Variants in PHLPP2 observed in about 807,000 individuals in gnomAD.
PHLPP2 encodes the protein PH domain and leucine rich repeat protein phosphatase 2, also known as PH domain leucine-rich repeat-containing protein phosphatase 2.
A neutral mutation model predicts 124.9 loss-of-function variants in PHLPP2; 66 were observed. That is an observed-to-expected ratio of 0.53 (90% CI 0.43 to 0.65). The LOEUF is 0.65. PHLPP2 is among the 30% of genes least tolerant of loss of function. The pLI is 0.00. For missense variants in PHLPP2, 1,685 were observed against 1,600.4 expected, an observed-to-expected ratio of 1.05 and a Z score of -0.90; for synonymous variants, 681 against 624.7, an observed-to-expected ratio of 1.09 and a Z score of -1.34.
intron 6 of PHLPP2, among the ~76,000 whole-genome samples, chr16:71,681,011 C>T (rs970226007): frequency 2.0e-5 from 3 of 152,146 alleles, no homozygotes; most frequent in African/African-American, 7.2e-5. Context: ...ATTTTCTGGA[C>T]ATTAGAATTA....
Position 71,652,916 on chromosome 16 carries a change from AT to A in PHLPP2, c.2690del (p.Asn897MetfsTer34). ...PASSFSLTVA[N>X]VGTCQAVLCR... ...ACAGGACTGCTTGGCACGTGCCAAC[AT>A]TGGCTACAGTCAAGCTAAAGCTACT... On this transcript the variant is annotated frameshift_variant, in exon 18 of 19. Transcript: ENST00000568954. LOFTEE classifies it high-confidence loss of function. 1.2e-6 allele frequency: 2 copies of A among 1,614,076 alleles called. No individual in the cohort carries two copies. The highest frequency in any genetic ancestry group is 1.7e-6 in the Non-Finnish European group (2 of 1,179,966).
chr16:71,656,456 G>T, intron 16 of PHLPP2, 115 bp downstream of exon 16: 1 of 635,326 alleles, frequency 1.6e-6, no homozygotes. Flanking sequence ...GATGTTCTAT[G>T]ATTTGTCTGT....
At chr16:71,671,969 G>A (rs2044897799) in intron 10 of PHLPP2, among the ~76,000 whole-genome samples, 1 of 152,120 alleles carries the variant, frequency 6.6e-6, no homozygotes, top group Non-Finnish European at 1.5e-5. Flanking sequence ...GATTCCAACT[G>A]ACAAAACGGG....
intron 1 of PHLPP2, among the ~76,000 whole-genome samples, chr16:71,721,421 C>G (rs1011990829): frequency 2.0e-5 from 3 of 152,030 alleles, no homozygotes; most frequent in African/African-American, 4.8e-5. Flanking sequence ...AGTTTGAGAT[C>G]AACATAGCAA....
Position 71,649,089 on chromosome 16 carries a change from G to A in PHLPP2, c.3773C>T (p.Ala1258Val), listed in dbSNP as rs2044674572. The A allele has an allele frequency of 1.9e-6, 3 of 1,613,878 alleles. No homozygotes were observed. The highest frequency in any genetic ancestry group is 1.1e-5 in the South Asian group (1 of 91,076). Residue 1258 changes from alanine to valine, a missense_variant, in exon 19 of 19, where the codon GCC becomes GTC. Transcript: ENST00000568954. ...LEDSLNLIEV[A>V]TEVPKRKTGY... ...AGTTTTCCTCTTGGGCACTTCTGTG[G>A]CCACTTCAATGAGGTTCAGGCTGTC...
Position 71,684,430 on chromosome 16 carries a change from G to A in PHLPP2, c.735+46C>T, listed in dbSNP as rs530457714. 1.7e-4 allele frequency: 277 copies of A among 1,604,340 alleles called. 4 individuals carry two copies. The South Asian group carries it at 3.0e-3, about 17-fold the overall frequency. On this transcript the variant is annotated intron_variant, in intron 5 of 18. Coordinates refer to ENST00000568954, the MANE Select transcript of PHLPP2 (RefSeq NM_015020.3). ...CGTGAGCCACCACGCCCGGCCTAGG[G>A]TTCTCTATTCTTATCTCCACATCAG...
rs745484349 is a variant in PHLPP2, at chr16:71,663,985, C to T, written c.1899G>A (p.Thr633=). The T allele has an allele frequency of 2.4e-5, 38 of 1,613,780 alleles. 1 individual carries two copies. The highest frequency in any genetic ancestry group is 2.0e-4 in the South Asian group (18 of 91,080). Reference sequence around the variant, plus strand: ...CTACCAGGACAGGTATGCACTGATCCGTCAGGAGATTGTTGGTCAGATAAA... The same window carrying T: ...CTACCAGGACAGGTATGCACTGATCTGTCAGGAGATTGTTGGTCAGATAAA... ...QLLYLTNNLL[T]DQCIPVLVGH... is the part of the protein sequence containing the mutation. Residue 633 remains threonine (T), a synonymous_variant, in exon 13 of 19, where the codon ACG becomes ACA. Coordinates refer to ENST00000568954, the MANE Select transcript of PHLPP2 (RefSeq NM_015020.3).
intron 3 of PHLPP2, among the ~76,000 whole-genome samples, chr16:71,695,789 T>G (rs2045163483): frequency 6.6e-6 from 1 of 151,482 alleles, no homozygotes; most frequent in Non-Finnish European, 1.5e-5. Context: ...AGACAAACTC[T>G]TGGGTGAAAA....
chr16:71,657,232 C>T lies in PHLPP2; in HGVS notation c.2280-551G>A, dbSNP rs144873713. Among the ~76,000 whole-genome samples, 26 of 151,888 alleles carry T rather than the reference C, an allele frequency of 1.7e-4. No individual in the cohort carries two copies. The East Asian group carries it at 4.3e-3, about 25-fold the overall frequency. On this transcript the variant is annotated intron_variant, in intron 15 of 18. Coordinates refer to ENST00000568954, the MANE Select transcript of PHLPP2 (RefSeq NM_015020.3). Reference sequence around the variant, plus strand: ...TGCTGGGATTACAGGTGTGAGCCACCGCTCCCGGCTAATTTTTGTATTTTT... The same window carrying T: ...TGCTGGGATTACAGGTGTGAGCCACTGCTCCCGGCTAATTTTTGTATTTTT...
At chr16:71,666,913 G>A (rs992836192) in intron 12 of PHLPP2, among the ~76,000 whole-genome samples, 2 of 152,168 alleles carry the variant, frequency 1.3e-5, no homozygotes, top group African/African-American at 4.8e-5. Context: ...AGAGATGAAA[G>A]CCTGAATCTT....
chr16:71,675,959 G>A (rs189067646), intron 9 of PHLPP2, among the ~76,000 whole-genome samples: 71 of 152,164 alleles, frequency 4.7e-4, no homozygotes, highest in African/African-American at 1.6e-3. Flanking sequence ...GAGCTCAGGT[G>A]ATCAGCCCAC....
chr16:71,655,473 C>T lies in PHLPP2; in HGVS notation c.2391-39G>A, dbSNP rs749984554. The T allele has an allele frequency of 1.3e-5, 18 of 1,426,546 alleles. No individual in the cohort carries two copies. The East Asian group carries it at 3.7e-4, about 29-fold the overall frequency. 88.4% of individuals were successfully genotyped at this position (1,426,546 alleles called of 1,614,324 possible). A position where few individuals can be genotyped will look rare whatever the true frequency, so the allele number is the denominator to read the frequency against. On this transcript the variant is annotated intron_variant, in intron 16 of 18. Coordinates refer to ENST00000568954, the MANE Select transcript of PHLPP2 (RefSeq NM_015020.3). ...ATGAAAACAGAAAACAGAAAAGTTA[C>T]TGGTAAAATATTATTCTCCAGGGAG...
At chr16:71,691,214 G>A (rs941346882) in intron 3 of PHLPP2, among the ~76,000 whole-genome samples, 2 of 152,282 alleles carry the variant, frequency 1.3e-5, no homozygotes, top group Middle Eastern at 3.4e-3. Flanking sequence ...AGCACTTTGG[G>A]GGGGCCAAGG....
chr16:71,688,855 C>A (rs2045079201), intron 4 of PHLPP2, among the ~76,000 whole-genome samples: 1 of 152,210 alleles, frequency 6.6e-6, no homozygotes, highest in Admixed American at 6.5e-5. Context: ...GTTACAAACA[C>A]TCATTCATTA....
At chr16:71,720,879 A>G (rs1457654012) in intron 1 of PHLPP2, among the ~76,000 whole-genome samples, 1 of 152,158 alleles carries the variant, frequency 6.6e-6, no homozygotes, top group East Asian at 1.9e-4. Context: ...AAAGACGAAA[A>G]AAAAAAAAAC....
chr16:71,647,509 G>A lies in PHLPP2; in HGVS notation c.*1381C>T, dbSNP rs1264231499. The stretch of plus-strand genomic sequence containing the variant: ...TCCCTCTCCTCCAGCATAGGAGAAG[G>A]AACAAGTCTAACCTGAGTGCTCCAT... On this transcript the variant is annotated 3_prime_UTR_variant, in exon 19 of 19. Coordinates refer to ENST00000568954, the MANE Select transcript of PHLPP2 (RefSeq NM_015020.3). 1.3e-5 allele frequency: 2 copies of A among 152,288 alleles called. No homozygotes were observed. Among genetic ancestry groups the A allele is most frequent in the African/African-American group, 2.4e-5 (1 of 41,444 alleles). The allele number at this position is 152,288 out of a possible 1,614,324, so 9.4% of individuals were successfully genotyped here. A position where few individuals can be genotyped will look rare whatever the true frequency, so the allele number is the denominator to read the frequency against.
At chr16:71,656,146 T>C (rs2044740420) in intron 16 of PHLPP2, among the ~76,000 whole-genome samples, 1 of 152,142 alleles carries the variant, frequency 6.6e-6, no homozygotes, top group South Asian at 2.1e-4. Flanking sequence ...CAGGTAAGTC[T>C]TGCTGAAAAG....
rs8049163 is a variant in PHLPP2 at position 71,685,450 on chromosome 16, C to A, written c.610-849G>T. 7.6e-4 allele frequency among the ~76,000 whole-genome samples: 116 copies of A among 152,142 alleles called. 1 individual carries two copies. The highest frequency in any genetic ancestry group is 2.7e-3 in the African/African-American group (113 of 41,506). On this transcript the variant is annotated intron_variant, in intron 4 of 18. Transcript: ENST00000568954. ...TTTTGTCTGGTATCTCACTTTGTTACGTCACAGCTTGGCAAATCAGATGGA... is the reference window on the plus strand; with the variant it reads ...TTTTGTCTGGTATCTCACTTTGTTAAGTCACAGCTTGGCAAATCAGATGGA...
intron 6 of PHLPP2, among the ~76,000 whole-genome samples, chr16:71,681,178 C>T (rs952944529): frequency 6.6e-5 from 10 of 152,094 alleles, no homozygotes; most frequent in Admixed American, 5.2e-4. Flanking sequence ...TTATTCACTG[C>T]GTCCATTTTT....
Sources: gnomAD v4.1 joint callset for allele counts (sites outside exome capture counted in the v4.1 genomes callset) on GRCh38, gnomAD v4.1.1 for gene constraint, MANE v1.5 for transcripts, NCBI Gene and HGNC (gene_info 2026-07-23, HGNC 2026-07-21) for gene names.